The following WDR88 variants were observed in gnomAD, a reference collection of about 807,000 sequenced individuals.
WDR88 encodes the protein WD repeat domain 88, also known as WD repeat-containing protein 88.
A neutral mutation model predicts 46.8 loss-of-function variants in WDR88; 40 were observed. The observed-to-expected ratio is 0.86, with a 90% CI of 0.66 to 1.11. The LOEUF (loss-of-function observed/expected upper bound fraction) is 1.11. Among genes scored for constraint, WDR88 ranks in the 50% most tolerant of loss-of-function variants. WDR88 has a pLI of 0.00. For missense variants in WDR88, 562 were observed against 602.4 expected (o/e 0.93, Z 0.70); for synonymous variants, 235 against 240.7 (o/e 0.98, Z 0.22).
chr19:33,146,589 G>A (rs1445744271), intron 3 of WDR88, among the ~76,000 whole-genome samples: 1 of 151,930 alleles, frequency 6.6e-6, no homozygotes, highest in African/African-American at 2.4e-5. Flanking sequence ...CGCAATCTTG[G>A]CTCACTGTAA....
At chr19:33,139,278 TG>T (rs2145366205) in intron 2 of WDR88, among the ~76,000 whole-genome samples, 1 of 152,326 alleles carries the variant, frequency 6.6e-6, no homozygotes, top group Admixed American at 6.5e-5. Context: ...GGAGCCCTTC[TG>T]GGGACTGCAG....
chr19:33,163,868 A>G lies in WDR88; in HGVS notation c.1081-329A>G, dbSNP rs118025490. Among the ~76,000 whole-genome samples the G allele has an allele frequency of 8.9e-3, 1,361 of 152,212 alleles. 15 individuals are homozygous for G. Among genetic ancestry groups the G allele is most frequent in the Admixed American group, 0.016 (248 of 15,286 alleles). ...GGGCTGGTCTCAAACTCCTAGACTC[A>G]AGCAATCTGTCCACCTCAACCTCCC... On this transcript the variant is annotated intron_variant, in intron 8 of 10. Transcript: ENST00000355868.
At chr19:33,138,836 C>T (rs572980482) in intron 2 of WDR88, among the ~76,000 whole-genome samples, 2 of 152,064 alleles carry the variant, frequency 1.3e-5, no homozygotes, top group South Asian at 4.2e-4. Context: ...AGGCACGCCA[C>T]CATGCCCAGC....
In WDR88 at chr19:33,135,917, T is replaced by G. The variant is rs191209218; in HGVS notation, c.277-1760T>G. 1.9e-4 allele frequency among the ~76,000 whole-genome samples: 29 copies of G among 152,048 alleles called. No individual in the cohort carries two copies. In the East Asian group the frequency reaches 5.5e-3, roughly 29 times the overall value. On this transcript the variant is annotated intron_variant, in intron 1 of 10. Transcript: ENST00000355868. ...TTTTCTTTTATTTTTTAAGACGAAG[T>G]CTTGCTCTGTCACCCAGGCTGGAGT...
intron 7 of WDR88, among the ~76,000 whole-genome samples, chr19:33,159,382 A>AAC (rs1568368333): frequency 3.5e-4 from 51 of 144,050 alleles, no homozygotes; most frequent in Non-Finnish European, 7.1e-4. Flanking sequence ...AAATAAATAA[A>AAC]TAACAAATAA....
intron 5 of WDR88, 113 bp downstream of exon 5, chr19:33,149,023 C>T: frequency 6.7e-7 from 1 of 1,487,146 alleles, no homozygotes; most frequent in Non-Finnish European, 9.1e-7. Context: ...TGGTATGAAG[C>T]ACGTCATTAA....
At chr19:33,174,095 G>A (rs1423132242) in intron 10 of WDR88, 39 of 1,429,968 alleles carry the variant, frequency 2.7e-5, no homozygotes, top group South Asian at 7.4e-5. Flanking sequence ...CAAGTGATCC[G>A]CCCGCCTCAG....
At chr19:33,155,861 G>A (rs1278445049) in intron 6 of WDR88, among the ~76,000 whole-genome samples, 2 of 152,202 alleles carry the variant, frequency 1.3e-5, no homozygotes, top group Non-Finnish European at 2.9e-5. Context: ...AGAGGCCAGG[G>A]ATGCTGCTCC....
intron 9 of WDR88, among the ~76,000 whole-genome samples, chr19:33,168,661 T>G (rs1031497551): frequency 1.3e-5 from 2 of 152,204 alleles, no homozygotes; most frequent in African/African-American, 4.8e-5. Context: ...ATAGGAAGAC[T>G]CATCATTAAG....
chr19:33,172,505 T>C (rs1208569186), intron 10 of WDR88, 65 bp downstream of exon 10: 2 of 1,389,208 alleles, frequency 1.4e-6, no homozygotes, highest in South Asian at 1.3e-5. Flanking sequence ...AATTAATTTA[T>C]CATTTGAATG....
chr19:33,132,492 C>CG lies in WDR88; in HGVS notation c.276+50dup, dbSNP rs746012715. On this transcript the variant is annotated intron_variant, in intron 1 of 10. Transcript: ENST00000355868. ...AGGGGGCACTGGCCTGTTCCCCACA[C>CG]GGGAGGAAGGCGCTCGAGCTGTCGG... 8.1e-6 allele frequency: 13 copies of CG among 1,597,422 alleles called. No homozygotes were observed. In the African/African-American group the frequency reaches 1.5e-4, roughly 18 times the overall value.
chr19:33,171,940 T>G (rs1325179338), intron 9 of WDR88, among the ~76,000 whole-genome samples: 1 of 152,054 alleles, frequency 6.6e-6, no homozygotes, highest in Non-Finnish European at 1.5e-5. Flanking sequence ...TGCCCAGCTA[T>G]TTTTGTATTT....
chr19:33,159,644 A>G (rs1020345863), intron 7 of WDR88, among the ~76,000 whole-genome samples: 1 of 152,164 alleles, frequency 6.6e-6, no homozygotes, highest in African/African-American at 2.4e-5. Flanking sequence ...TATTTCCCCT[A>G]GGAGCGATGG....
chr19:33,133,843 GC>G (rs1245823390), intron 1 of WDR88, among the ~76,000 whole-genome samples: 1 of 152,150 alleles, frequency 6.6e-6, no homozygotes, highest in African/African-American at 2.4e-5. Flanking sequence ...CTCCCTGACC[GC>G]CCGTCTAAAG....
At position 33,172,427 on chromosome 19, in the gene WDR88, T is replaced by C; in HGVS notation, c.1229T>C (p.Leu410Ser). Residue 410 changes from leucine (L) to serine (S), a missense_variant, in exon 10 of 11, where the codon TTA becomes TCA. Physicochemically the swap from Leu to Ser is moderately radical, Grantham distance 145 (BLOSUM62 -2). Transcript: ENST00000355868. ...ATCAAGTACAAAAAGGCCGTGGGCT[T>C]AAAGTTGAAACAGGTTGGTATTGGG... ...LVIKYKKAVGLKLKQCERCDR... is the reference protein window; with the variant it reads ...LVIKYKKAVGSKLKQCERCDR... 1 of 1,614,050 alleles carries C rather than the reference T, an allele frequency of 6.2e-7. No homozygotes were observed. The highest frequency in any genetic ancestry group is 2.2e-5 in the East Asian group (1 of 44,870).
intron 6 of WDR88, among the ~76,000 whole-genome samples, chr19:33,151,960 G>A (rs186068410): frequency 4.0e-5 from 6 of 151,862 alleles, no homozygotes; most frequent in South Asian, 4.2e-4. Flanking sequence ...GGCTGGGCTC[G>A]GTGGCTCATG....
intron 2 of WDR88, chr19:33,142,799 AG>A (rs1685841528): frequency 7.7e-6 from 1 of 130,388 alleles, no homozygotes; most frequent in Non-Finnish European, 1.6e-5. Flanking sequence ...CGAGGTCAGT[AG>A]TTCGAGACCA....
intron 2 of WDR88, among the ~76,000 whole-genome samples, chr19:33,140,789 CAA>C (rs113986637): frequency 7.2e-6 from 1 of 139,258 alleles, no homozygotes; most frequent in Non-Finnish European, 1.6e-5. Context: ...GACTCCGTCT[CAA>C]AAAAAAAAAG....
chr19:33,157,633 G>GTA (rs1350126111), intron 7 of WDR88, among the ~76,000 whole-genome samples: 2 of 138,990 alleles, frequency 1.4e-5, no homozygotes, highest in Non-Finnish European at 3.0e-5. Flanking sequence ...ATATGTATGT[G>GTA]TATATATGTG....
Sources: allele counts gnomAD v4.1 joint callset (sites outside exome capture counted in the v4.1 genomes callset), GRCh38; gene constraint gnomAD v4.1.1; transcripts MANE v1.5; gene names NCBI Gene and HGNC (gene_info 2026-07-23, HGNC 2026-07-21).